HIPK2: variants seen among roughly 807,000 people sequenced by gnomAD.
HIPK2 encodes the protein homeodomain-interacting protein kinase 2.
HIPK2 carries 27 observed loss-of-function variants against 113.7 expected under a neutral mutation model. The ratio of observed to expected loss-of-function variants is 0.24; its 90% CI spans 0.17 to 0.33. The LOEUF is 0.33. Among genes scored for constraint, HIPK2 ranks in the 10% least tolerant of loss-of-function variants. The pLI is 1.00. For missense variants in HIPK2, 1,257 were observed against 1,588.0 expected (o/e 0.79, Z 3.54); for synonymous variants, 631 against 642.2 (o/e 0.98, Z 0.26).
intron 1 of HIPK2, among the ~76,000 whole-genome samples, chr7:139,729,353 G>C (rs1467439179): frequency 2.0e-5 from 3 of 150,054 alleles, no homozygotes; most frequent in Non-Finnish European, 1.5e-5. Context: ...GAGAGAGAGA[G>C]AGAGAGAGAG....
intron 1 of HIPK2, among the ~76,000 whole-genome samples, chr7:139,726,140 A>G (rs1483170060): frequency 6.6e-6 from 1 of 152,220 alleles, no homozygotes; most frequent in Non-Finnish European, 1.5e-5. Flanking sequence ...AATGATTAAA[A>G]TAAAATACAT....
At chr7:139,707,739 G>A (rs1405708966) in intron 2 of HIPK2, among the ~76,000 whole-genome samples, 2 of 152,202 alleles carry the variant, frequency 1.3e-5, no homozygotes, top group Non-Finnish European at 2.9e-5. Context: ...AAAATTACCT[G>A]TTGGATGCAT....
chr7:139,636,407 A>T (rs537333041), intron 2 of HIPK2, among the ~76,000 whole-genome samples: 5 of 152,030 alleles, frequency 3.3e-5, no homozygotes, highest in African/African-American at 1.2e-4. Flanking sequence ...TTGAACTCCT[A>T]ATTCCTGGCA....
Position 139,573,356 on chromosome 7 carries a change from T to A in HIPK2, c.3168A>T (p.Arg1056=). The change falls in exon 15 of 15, where the codon CGA becomes CGT. Residue 1056 remains arginine (R), a synonymous_variant. Transcript: ENST00000406875. ...HITTDRTGSH[R]RQQAYITPTM... ...TGGGAGTGATGTAGGCCTGCTGCCT[T>A]CGGTGGCTCCCAGTGCGGTCCGTGG... 6.2e-7 allele frequency: 1 copy of A among 1,605,062 alleles called. No homozygotes were observed. The highest frequency in any genetic ancestry group is 1.3e-5 in the African/African-American group (1 of 74,904).
intron 12 of HIPK2, among the ~76,000 whole-genome samples, chr7:139,591,323 G>A (rs1799014840): frequency 6.6e-6 from 1 of 152,212 alleles, no homozygotes; most frequent in Admixed American, 6.5e-5. Context: ...TGTCCCATCA[G>A]ATGCAGCGGA....
rs1308016424 is a variant in HIPK2, at chr7:139,570,865, T to C, written c.*2062A>G. 1 of 152,222 alleles carries C rather than the reference T, an allele frequency of 6.6e-6. No homozygotes were observed. The highest frequency in any genetic ancestry group is 1.5e-5 in the Non-Finnish European group (1 of 68,050). The allele number at this position is 152,222 out of a possible 1,614,324, so 9.4% of individuals were successfully genotyped here. A position where few individuals can be genotyped will look rare whatever the true frequency, so the allele number is the denominator to read the frequency against. On this transcript the variant is annotated 3_prime_UTR_variant, in exon 15 of 15. Transcript: ENST00000406875. The stretch of plus-strand genomic sequence containing the variant: ...AGAACCACCCTTTTCGGCCCCATCC[T>C]TGGCCAGATTCTCCTGCCATTCACA...
At chr7:139,610,164 T>C (rs1408524397) in intron 9 of HIPK2, among the ~76,000 whole-genome samples, 1 of 152,246 alleles carries the variant, frequency 6.6e-6, no homozygotes, top group African/African-American at 2.4e-5. Flanking sequence ...CTGAGTCTAC[T>C]GGTTCCACCA....
intron 2 of HIPK2, among the ~76,000 whole-genome samples, chr7:139,653,242 G>C (rs773663733): frequency 6.6e-6 from 1 of 151,678 alleles, no homozygotes; most frequent in Non-Finnish European, 1.5e-5. Flanking sequence ...CAGAAACAGC[G>C]TCACTGTCAT....
At position 139,744,795 on chromosome 7, in the gene HIPK2, G is replaced by A. The variant is rs371194676; in HGVS notation, c.20-27780C>T. ...TAGGTTTGCTGACTCCGGAGGCCAC[G>A]TTCTGCTCGCTTCACCACGCTGCTC... On this transcript the variant is annotated intron_variant, in intron 1 of 14. Coordinates refer to ENST00000406875, the MANE Select transcript of HIPK2 (RefSeq NM_022740.5). Among the ~76,000 whole-genome samples the A allele has an allele frequency of 5.9e-5, 9 of 152,318 alleles. No homozygotes were observed. In the East Asian group the frequency reaches 1.2e-3, roughly 20 times the overall value.
intron 1 of HIPK2, among the ~76,000 whole-genome samples, chr7:139,747,554 A>G (rs921265220): frequency 5.9e-5 from 9 of 152,248 alleles, no homozygotes; most frequent in African/African-American, 2.2e-4. Context: ...TCAGAGAAGG[A>G]ACGGCAGACA....
In HIPK2 at chr7:139,664,814, T is replaced by G. The variant is rs547748437; in HGVS notation, c.1104-33089A>C. Among the ~76,000 whole-genome samples, 8 of 152,292 alleles carry G rather than the reference T, an allele frequency of 5.3e-5. 1 individual carries two copies. The highest frequency in any genetic ancestry group is 1.9e-4 in the African/African-American group (8 of 41,578). Reference sequence around the variant, plus strand: ...TATATTAATTCAGCCAAAGCAGAAATGATCAAAAAACCTAATCTCTGCTAC... The same window carrying G: ...TATATTAATTCAGCCAAAGCAGAAAGGATCAAAAAACCTAATCTCTGCTAC... On this transcript the variant is annotated intron_variant, in intron 2 of 14. Transcript: ENST00000406875.
At chr7:139,751,262 T>C (rs912094643) in intron 1 of HIPK2, among the ~76,000 whole-genome samples, 9 of 152,164 alleles carry the variant, frequency 5.9e-5, no homozygotes, top group Admixed American at 5.9e-4. Flanking sequence ...AAGCAGACAC[T>C]GTAAGTTGCC....
chr7:139,705,445 C>T (rs372236563), intron 2 of HIPK2, among the ~76,000 whole-genome samples: 2 of 152,008 alleles, frequency 1.3e-5, no homozygotes, highest in East Asian at 1.9e-4. Flanking sequence ...GGCGCAATCT[C>T]GGCTCACTGC....
chr7:139,618,748 C>T (rs1800141468), intron 7 of HIPK2, among the ~76,000 whole-genome samples: 1 of 152,206 alleles, frequency 6.6e-6, no homozygotes, highest in Non-Finnish European at 1.5e-5. Context: ...GGAGACTCCA[C>T]TTGACATGAC....
chr7:139,762,198 T>C (rs1796476291), intron 1 of HIPK2, among the ~76,000 whole-genome samples: 1 of 152,196 alleles, frequency 6.6e-6, no homozygotes, highest in African/African-American at 2.4e-5. Flanking sequence ...ACCCCCAAGT[T>C]GGAACTTCAT....
At chr7:139,615,726 A>G (rs1800016669) in intron 7 of HIPK2, among the ~76,000 whole-genome samples, 1 of 152,260 alleles carries the variant, frequency 6.6e-6, no homozygotes, top group South Asian at 2.1e-4. Flanking sequence ...GTGTGTATGG[A>G]TGTCACATTT....
chr7:139,685,210 G>A (rs940103631), intron 2 of HIPK2, among the ~76,000 whole-genome samples: 5 of 152,126 alleles, frequency 3.3e-5, no homozygotes, highest in East Asian at 3.9e-4. Flanking sequence ...TCACTCTGTC[G>A]CTCAGGCTGG....
intron 13 of HIPK2, among the ~76,000 whole-genome samples, chr7:139,578,670 A>C (rs1174022941): frequency 1.3e-5 from 2 of 152,106 alleles, no homozygotes; most frequent in Non-Finnish European, 2.9e-5. Context: ...GAGGACAGCT[A>C]AATTCCTTTT....
At chr7:139,740,989 A>C (rs1796083468) in intron 1 of HIPK2, among the ~76,000 whole-genome samples, 1 of 152,138 alleles carries the variant, frequency 6.6e-6, no homozygotes, top group Non-Finnish European at 1.5e-5. Flanking sequence ...TCTACTAAAA[A>C]TACGAAAATT....
Sources: allele counts gnomAD v4.1 joint callset (sites outside exome capture counted in the v4.1 genomes callset), GRCh38; gene constraint gnomAD v4.1.1; transcripts MANE v1.5; gene names NCBI Gene and HGNC (gene_info 2026-07-23, HGNC 2026-07-21).